KCNT2: variants seen among roughly 807,000 people sequenced by gnomAD.
KCNT2 encodes potassium channel subfamily T member 2.
A neutral mutation model predicts 153.8 loss-of-function variants in KCNT2; 67 were observed. The ratio of observed to expected loss-of-function variants is 0.44; its 90% CI spans 0.36 to 0.53. The LOEUF is 0.53. Among genes scored for constraint, KCNT2 ranks in the 20% least tolerant of loss-of-function variants. The pLI is 0.00. For missense variants in KCNT2, 975 were observed against 1,354.8 expected (o/e 0.72, Z 4.40); for synonymous variants, 500 against 458.8 (o/e 1.09, Z -1.15).
intron 1 of KCNT2, among the ~76,000 whole-genome samples, chr1:196,563,093 C>A (rs897648783): frequency 6.6e-5 from 10 of 151,936 alleles, no homozygotes; most frequent in East Asian, 3.9e-4. Flanking sequence ...AGTCTTTCCC[C>A]AAAATTGCCA....
chr1:196,500,205 GGAGAGAGAGAGAGAGAGACGGAGA>G (rs1216765051), intron 1 of KCNT2, among the ~76,000 whole-genome samples: 12 of 129,698 alleles, frequency 9.3e-5, no homozygotes, highest in African/African-American at 3.3e-4. Flanking sequence ...GGAAGGAGGG[GGAGAGAGAGAGAGAGAGACGGAGA>G]GAGAGAGAGA....
chr1:196,535,143 C>A (rs1434074433), intron 1 of KCNT2, among the ~76,000 whole-genome samples: 5 of 152,212 alleles, frequency 3.3e-5, no homozygotes, highest in African/African-American at 1.2e-4. Flanking sequence ...AATTACACAA[C>A]TCTGGATGTT....
chr1:196,310,935 T>C (rs1005266981), intron 21 of KCNT2, among the ~76,000 whole-genome samples: 1 of 151,790 alleles, frequency 6.6e-6, no homozygotes, highest in African/African-American at 2.4e-5. Flanking sequence ...GCACCAGTCT[T>C]CCTCTTGCTC....
intron 3 of KCNT2, among the ~76,000 whole-genome samples, chr1:196,484,005 C>T (rs916836953): frequency 1.3e-5 from 2 of 151,896 alleles, no homozygotes; most frequent in African/African-American, 4.8e-5. Context: ...GAAATCAGAC[C>T]ACAACAAGGT....
At chr1:196,434,387 A>G (rs1263103307) in intron 8 of KCNT2, among the ~76,000 whole-genome samples, 2 of 152,124 alleles carry the variant, frequency 1.3e-5, no homozygotes, top group East Asian at 3.9e-4. Context: ...GTTAAAATGT[A>G]TATTTCTTAA....
At chr1:196,451,906 T>C (rs1676243266) in intron 8 of KCNT2, among the ~76,000 whole-genome samples, 1 of 151,940 alleles carries the variant, frequency 6.6e-6, no homozygotes, top group Admixed American at 6.6e-5. Context: ...AATTTTGGAA[T>C]GCTATTACAC....
At chr1:196,460,478 C>T (rs1677053472) in intron 8 of KCNT2, among the ~76,000 whole-genome samples, 1 of 151,616 alleles carries the variant, frequency 6.6e-6, no homozygotes, top group African/African-American at 2.4e-5. Context: ...ATTAGTTAAA[C>T]ATCTAGTATT....
At chr1:196,433,794 T>G (rs979262195) in intron 8 of KCNT2, among the ~76,000 whole-genome samples, 2 of 152,068 alleles carry the variant, frequency 1.3e-5, no homozygotes, top group African/African-American at 4.8e-5. Flanking sequence ...ATACATATTC[T>G]ATTGTCTTTA....
At chr1:196,503,332 A>G (rs986781768) in intron 1 of KCNT2, among the ~76,000 whole-genome samples, 2 of 152,214 alleles carry the variant, frequency 1.3e-5, no homozygotes, top group African/African-American at 4.8e-5. Context: ...GTGTATGATT[A>G]CATACATTAT....
intron 13 of KCNT2, among the ~76,000 whole-genome samples, chr1:196,386,858 T>G (rs1444415613): frequency 1.3e-5 from 2 of 152,086 alleles, no homozygotes; most frequent in Non-Finnish European, 2.9e-5. Context: ...AGTGGCTTTA[T>G]GAAAATATTA....
chr1:196,475,278 TACAATATCC>T (rs1678431181), intron 5 of KCNT2, among the ~76,000 whole-genome samples: 1 of 152,144 alleles, frequency 6.6e-6, no homozygotes, highest in Non-Finnish European at 1.5e-5. Flanking sequence ...GCTGGTGCAA[TACAATATCC>T]ATTTCTGTGT....
At chr1:196,384,679 C>A (rs1394102030) in intron 13 of KCNT2, among the ~76,000 whole-genome samples, 2 of 136,432 alleles carry the variant, frequency 1.5e-5, no homozygotes, top group Non-Finnish European at 3.0e-5. Context: ...CAGCCTGCAG[C>A]CTGGGTGACA....
intron 13 of KCNT2, among the ~76,000 whole-genome samples, chr1:196,388,957 T>C (rs1670240109): frequency 6.6e-6 from 1 of 151,792 alleles, no homozygotes; most frequent in Non-Finnish European, 1.5e-5. Context: ...GTCTCAATAT[T>C]AGAGTTTAGT....
intron 21 of KCNT2, 146 bp downstream of exon 21, chr1:196,315,746 C>T: frequency 2.9e-6 from 2 of 693,606 alleles, no homozygotes; most frequent in Non-Finnish European, 4.6e-6. Flanking sequence ...CAGTCATGCT[C>T]AATAAACATT....
chr1:196,398,750 T>G, intron 12 of KCNT2, 79 bp from the exon 13 acceptor site: 1 of 743,840 alleles, frequency 1.3e-6, no homozygotes, highest in Non-Finnish European at 2.2e-6. Context: ...GCAATCAGTT[T>G]GCTTGGTCAC....
At chr1:196,315,102 A>T (rs1662576505) in intron 21 of KCNT2, among the ~76,000 whole-genome samples, 1 of 151,724 alleles carries the variant, frequency 6.6e-6, no homozygotes, top group African/African-American at 2.4e-5. Flanking sequence ...TGAAAGTATG[A>T]AAGTGGAGTG....
intron 1 of KCNT2, among the ~76,000 whole-genome samples, chr1:196,492,563 C>G (rs1208382213): frequency 6.6e-6 from 1 of 151,982 alleles, no homozygotes; most frequent in Non-Finnish European, 1.5e-5. Flanking sequence ...CAATTATTTT[C>G]TACTTTTAAA....
At chr1:196,250,057 T>A (rs1021138660) in intron 26 of KCNT2, among the ~76,000 whole-genome samples, 3 of 151,726 alleles carry the variant, frequency 2.0e-5, no homozygotes, top group Non-Finnish European at 2.9e-5. Context: ...GTAATCCCTA[T>A]CAAAATACCA....
chr1:196,605,383 A>C (rs1033496616), intron 1 of KCNT2, among the ~76,000 whole-genome samples: 2 of 152,200 alleles, frequency 1.3e-5, no homozygotes, highest in African/African-American at 4.8e-5. Flanking sequence ...CTTTGGACAC[A>C]GTGTAGAACA....
Sources: gnomAD v4.1 joint callset for allele counts (sites outside exome capture counted in the v4.1 genomes callset) on GRCh38, gnomAD v4.1.1 for gene constraint, MANE v1.5 for transcripts, NCBI Gene and HGNC (gene_info 2026-07-23, HGNC 2026-07-21) for gene names.